Variants in ADAMTS18 observed in about 807,000 individuals in gnomAD.
ADAMTS18 encodes A disintegrin and metalloproteinase with thrombospondin motifs 18.
In ADAMTS18, 157 loss-of-function variants were observed where a neutral mutation model predicts 165.9. The ratio of observed to expected loss-of-function variants is 0.95; its 90% CI spans 0.83 to 1.08. The LOEUF is 1.08. Among genes scored for constraint, ADAMTS18 ranks in the 50% least tolerant of loss-of-function variants. ADAMTS18 has a pLI of 0.00. For synonymous variants in ADAMTS18, 782 were observed against 578.2 expected (o/e 1.35, Z -5.06); for missense variants, 2,040 against 1,534.0 (o/e 1.33, Z -5.51).
intron 16 of ADAMTS18, among the ~76,000 whole-genome samples, chr16:77,310,211 G>T (rs931778609): frequency 6.6e-6 from 1 of 152,164 alleles, no homozygotes; most frequent in Non-Finnish European, 1.5e-5. Context: ...TGCAACGAAT[G>T]AATTTTATCA....
At chr16:77,295,202 G>A (rs971232654) in intron 18 of ADAMTS18, 75 bp from the exon 19 acceptor site, 2 of 1,483,658 alleles carry the variant, frequency 1.3e-6, no homozygotes, top group African/African-American at 1.4e-5. Flanking sequence ...ACTGTGAAAG[G>A]TAAACCACCT....
At chr16:77,390,828 C>A (rs1239308341) in intron 3 of ADAMTS18, among the ~76,000 whole-genome samples, 1 of 152,156 alleles carries the variant, frequency 6.6e-6, no homozygotes. Context: ...TGATCCATTA[C>A]AATGAAATAA....
chr16:77,334,784 CAG>C (rs1567492053), intron 12 of ADAMTS18, among the ~76,000 whole-genome samples: 4 of 94,544 alleles, frequency 4.2e-5, no homozygotes, highest in African/African-American at 1.6e-4. Context: ...CTATAGTATA[CAG>C]TAAATATACT....
chr16:77,359,548 GGAAAAA>G lies in ADAMTS18; in HGVS notation c.1217-131_1217-126del, dbSNP rs1567511130. 1.1e-3 allele frequency: 713 copies of G among 623,252 alleles called. 9 individuals are homozygous for G. Among genetic ancestry groups the G allele is most frequent in the South Asian group, 1.5e-3 (79 of 53,654 alleles). The allele number at this position is 623,252 out of a possible 1,614,324, so 38.6% of individuals were successfully genotyped here. A position where few individuals can be genotyped will look rare whatever the true frequency, so the allele number is the denominator to read the frequency against. ...ATAGATCAATGCATTCAGTGTTTTTGGAAAAAAAAAAAAAAAAAGATCTATAGTTCT... is the reference window on the plus strand; with the variant it reads ...ATAGATCAATGCATTCAGTGTTTTTGAAAAAAAAAAAAGATCTATAGTTCT... On this transcript the variant is annotated intron_variant, in intron 7 of 22. Transcript: ENST00000282849.
intron 16 of ADAMTS18, among the ~76,000 whole-genome samples, chr16:77,305,214 G>T (rs1373039329): frequency 6.6e-6 from 1 of 152,128 alleles, no homozygotes; most frequent in Admixed American, 6.5e-5. Flanking sequence ...TTTATTCTGT[G>T]TTGAGAAGAA....
chr16:77,325,680 A>G lies in ADAMTS18; in HGVS notation c.2032+186T>C, dbSNP rs867749891. ...AGACAAGAGGTATCTTATAGGGGGA[A>G]AAAAAAAAAAACAACAGTGGAAAAA... On this transcript the variant is annotated intron_variant, in intron 13 of 22. Transcript: ENST00000282849. Among the ~76,000 whole-genome samples the G allele has an allele frequency of 4.6e-3, 681 of 148,520 alleles. 7 individuals are homozygous for G. Among genetic ancestry groups the G allele is most frequent in the African/African-American group, 0.015 (619 of 39,946 alleles).
intron 3 of ADAMTS18, among the ~76,000 whole-genome samples, chr16:77,401,220 C>T (rs889844402): frequency 6.6e-6 from 1 of 152,130 alleles, no homozygotes; most frequent in South Asian, 2.1e-4. Flanking sequence ...TACCACTTCA[C>T]TCCAGCCTGG....
chr16:77,348,712 C>G (rs924252272), intron 10 of ADAMTS18, among the ~76,000 whole-genome samples: 2 of 152,104 alleles, frequency 1.3e-5, no homozygotes, highest in Admixed American at 6.5e-5. Flanking sequence ...CTAGGCATGG[C>G]AGATACTCTC....
At chr16:77,417,145 GA>G (rs55682552) in intron 3 of ADAMTS18, among the ~76,000 whole-genome samples, 89,558 of 151,406 alleles carry the variant, frequency 0.59, 27,422 homozygotes, top group Middle Eastern at 0.72. Context: ...CCCTCACATT[GA>G]AATGTCCAAG....
chr16:77,342,595 T>C (rs538353835), intron 10 of ADAMTS18, among the ~76,000 whole-genome samples: 29 of 152,300 alleles, frequency 1.9e-4, no homozygotes, highest in African/African-American at 7.0e-4. Context: ...CTGGCCACCT[T>C]CTTCGTCTCT....
intron 3 of ADAMTS18, among the ~76,000 whole-genome samples, chr16:77,405,186 G>T (rs180860383): frequency 6.2e-4 from 94 of 152,316 alleles, no homozygotes; most frequent in Middle Eastern, 6.8e-3. Context: ...TCAGACACAT[G>T]TTGACAGCTA....
chr16:77,374,757 T>C (rs1007096866), intron 3 of ADAMTS18, among the ~76,000 whole-genome samples: 10 of 152,106 alleles, frequency 6.6e-5, no homozygotes, highest in African/African-American at 9.7e-5. Context: ...GAGAAAGCAA[T>C]TTAAAAAATA....
chr16:77,410,742 G>A (rs1006184784), intron 3 of ADAMTS18, among the ~76,000 whole-genome samples: 2 of 152,120 alleles, frequency 1.3e-5, no homozygotes, highest in African/African-American at 4.8e-5. Flanking sequence ...TTAGAAAGGA[G>A]AAACTAATAA....
intron 4 of ADAMTS18, among the ~76,000 whole-genome samples, chr16:77,366,488 G>A (rs545191469): frequency 1.3e-5 from 2 of 152,264 alleles, no homozygotes; most frequent in African/African-American, 4.8e-5. Flanking sequence ...AACCTGGTGG[G>A]GTGGAGGTTG....
intron 21 of ADAMTS18, chr16:77,290,986 G>C (rs1007105043): frequency 5.0e-6 from 2 of 398,786 alleles, no homozygotes; most frequent in African/African-American, 2.0e-5. Flanking sequence ...AACATTAGCA[G>C]TGTATAACTG....
intron 19 of ADAMTS18, among the ~76,000 whole-genome samples, chr16:77,294,366 T>C (rs10871333): frequency 0.92 from 140,138 of 152,108 alleles, 65,427 homozygotes; most frequent in Non-Finnish European, 0.99. Context: ...TCAAAATGTC[T>C]CCTGGTAGGC....
At chr16:77,306,030 C>T (rs1435833653) in intron 16 of ADAMTS18, among the ~76,000 whole-genome samples, 2 of 152,196 alleles carry the variant, frequency 1.3e-5, no homozygotes, top group South Asian at 4.1e-4. Flanking sequence ...AATGGCACCA[C>T]ATCACAATAA....
intron 16 of ADAMTS18, among the ~76,000 whole-genome samples, chr16:77,306,232 T>C (rs997042299): frequency 5.3e-5 from 8 of 152,150 alleles, no homozygotes; most frequent in African/African-American, 1.4e-4. Flanking sequence ...AGGTCCTCCA[T>C]AGAGATGTTT....
intron 8 of ADAMTS18, among the ~76,000 whole-genome samples, chr16:77,356,695 A>T (rs1567508967): frequency 6.6e-6 from 1 of 152,168 alleles, no homozygotes; most frequent in South Asian, 2.1e-4. Context: ...GTTATCTTTC[A>T]GATGTATTAT....
Sources: allele counts gnomAD v4.1 joint callset (sites outside exome capture counted in the v4.1 genomes callset), GRCh38; gene constraint gnomAD v4.1.1; transcripts MANE v1.5; gene names NCBI Gene and HGNC (gene_info 2026-07-23, HGNC 2026-07-21).